PTPRR: variants seen among roughly 807,000 people sequenced by gnomAD.
PTPRR encodes receptor-type tyrosine-protein phosphatase R.
PTPRR carries 38 observed loss-of-function variants against 77.2 expected under a neutral mutation model. The ratio of observed to expected loss-of-function variants is 0.49; its 90% confidence interval spans 0.38 to 0.65. The LOEUF (loss-of-function observed/expected upper bound fraction) is 0.65, where lower values mean the gene tolerates loss of function less well. Among genes scored for constraint, PTPRR ranks in the 30% least tolerant of loss-of-function variants. The probability of loss-of-function intolerance (pLI) is 0.00; values close to 1 mark genes in which losing one functional copy is unlikely to be tolerated. For synonymous variants in PTPRR, 299 were observed against 283.1 expected (o/e 1.06, Z -0.57); for missense variants, 744 against 799.2 (o/e 0.93, Z 0.83).
At chr12:70,813,482 C>T (rs1367590798) in intron 2 of PTPRR, among the ~76,000 whole-genome samples, 2 of 152,152 alleles carry the variant, frequency 1.3e-5, no homozygotes, top group Non-Finnish European at 2.9e-5. Context: ...TTTCTAAATA[C>T]CATGCATATT....
chr12:70,707,685 G>T (rs1888667683), intron 6 of PTPRR, among the ~76,000 whole-genome samples: 1 of 152,030 alleles, frequency 6.6e-6, no homozygotes, highest in Non-Finnish European at 1.5e-5. Context: ...TGAGTTTGGA[G>T]AAGTCAGTGG....
Position 70,892,411 on chromosome 12 carries a change from TC to T in PTPRR, c.357+267del, listed in dbSNP as rs1438251782. Among the ~76,000 whole-genome samples, 3 of 152,122 alleles carry T rather than the reference TC, an allele frequency of 2.0e-5. No individual in the cohort carries two copies. In the East Asian group the frequency reaches 5.8e-4, roughly 29 times the overall value. Reference sequence around the variant, plus strand: ...TAATTGTAAGGCCTTCCTAAAGTAATCTTTTATTCAAATATTTATTAAGCAT... The same window carrying T: ...TAATTGTAAGGCCTTCCTAAAGTAATTTTTATTCAAATATTTATTAAGCAT... On this transcript the variant is annotated intron_variant, in intron 2 of 13. Coordinates refer to ENST00000283228, the MANE Select transcript of PTPRR (RefSeq NM_002849.4).
chr12:70,747,663 T>C (rs1890256691), intron 5 of PTPRR, among the ~76,000 whole-genome samples: 1 of 152,200 alleles, frequency 6.6e-6, no homozygotes, highest in Non-Finnish European at 1.5e-5. Flanking sequence ...TTGTAACATA[T>C]TTTCCAATCA....
At chr12:70,659,494 G>T (rs1273946424) in intron 12 of PTPRR, among the ~76,000 whole-genome samples, 1 of 152,036 alleles carries the variant, frequency 6.6e-6, no homozygotes, top group South Asian at 2.1e-4. Context: ...CTGAGTGACT[G>T]GAAAAAAGAT....
intron 1 of PTPRR, among the ~76,000 whole-genome samples, chr12:70,894,082 T>TAACATATCTCTATGTTATAA (rs1893384107): frequency 6.6e-6 from 1 of 151,826 alleles, no homozygotes; most frequent in Non-Finnish European, 1.5e-5. Flanking sequence ...ATCTGTTTTA[T>TAACATATCTCTATGTTATAA]AACATAGTCC....
intron 2 of PTPRR, among the ~76,000 whole-genome samples, chr12:70,806,361 A>G (rs1282900701): frequency 2.6e-5 from 4 of 152,192 alleles, no homozygotes; most frequent in Admixed American, 1.3e-4. Flanking sequence ...TTAGTAGGTG[A>G]TAAGATACGC....
rs1054044773 is a variant in PTPRR, at chr12:70,889,979, G to A, written c.357+2700C>T. Among the ~76,000 whole-genome samples the A allele has an allele frequency of 4.6e-5, 7 of 152,256 alleles. No homozygotes were observed. The East Asian group carries it at 1.4e-3, about 29-fold the overall frequency. Reference sequence around the variant, plus strand: ...AGGCTAGAACATTCTTCACTCAGCAGCCTATGCTGAACTGAAATGGCCTGT... The same window carrying A: ...AGGCTAGAACATTCTTCACTCAGCAACCTATGCTGAACTGAAATGGCCTGT... On this transcript the variant is annotated intron_variant, in intron 2 of 13. Coordinates refer to ENST00000283228, the MANE Select transcript of PTPRR (RefSeq NM_002849.4).
At chr12:70,740,361 G>T (rs1372949175) in intron 6 of PTPRR, among the ~76,000 whole-genome samples, 2 of 122,476 alleles carry the variant, frequency 1.6e-5, no homozygotes, top group African/African-American at 2.9e-5. Flanking sequence ...AGACTGAATT[G>T]CTATGTTTCT....
intron 2 of PTPRR, among the ~76,000 whole-genome samples, chr12:70,809,643 G>A (rs929984215): frequency 3.3e-5 from 5 of 152,052 alleles, no homozygotes; most frequent in African/African-American, 1.2e-4. Flanking sequence ...CTAAATTTAA[G>A]TTCAGTATAT....
intron 12 of PTPRR, among the ~76,000 whole-genome samples, chr12:70,659,627 A>G (rs1886720943): frequency 6.6e-6 from 1 of 152,122 alleles, no homozygotes; most frequent in African/African-American, 2.4e-5. Flanking sequence ...GCCCTAACGC[A>G]TAGTCAGTTA....
intron 2 of PTPRR, among the ~76,000 whole-genome samples, chr12:70,887,699 G>T (rs945227354): frequency 1.3e-5 from 2 of 152,082 alleles, no homozygotes; most frequent in Non-Finnish European, 2.9e-5. Flanking sequence ...GCAGGAATAG[G>T]CTCACTGTCC....
intron 2 of PTPRR, among the ~76,000 whole-genome samples, chr12:70,850,392 A>T (rs1892553143): frequency 6.6e-6 from 1 of 151,988 alleles, no homozygotes; most frequent in South Asian, 2.1e-4. Context: ...TTTTGTATCT[A>T]TTTCCAGAAA....
chr12:70,849,442 A>G (rs1307143003), intron 2 of PTPRR, among the ~76,000 whole-genome samples: 1 of 152,194 alleles, frequency 6.6e-6, no homozygotes, highest in African/African-American at 2.4e-5. Flanking sequence ...GTTGCCAAAA[A>G]TAAGAGTGGA....
At chr12:70,892,580 C>A in intron 2 of PTPRR, 99 bp downstream of exon 2, 1 of 1,368,406 alleles carries the variant, frequency 7.3e-7, no homozygotes, top group Non-Finnish European at 1.0e-6. Flanking sequence ...CGTTGGGATT[C>A]ATTGATAACT....
intron 1 of PTPRR, among the ~76,000 whole-genome samples, chr12:70,898,503 C>T (rs1441966126): frequency 1.4e-5 from 2 of 147,426 alleles, no homozygotes; most frequent in East Asian, 3.9e-4. Context: ...TTACATATTA[C>T]ATATTCAATA....
At chr12:70,723,325 G>T (rs1383662734) in intron 6 of PTPRR, among the ~76,000 whole-genome samples, 6 of 151,786 alleles carry the variant, frequency 4.0e-5, no homozygotes, top group Non-Finnish European at 8.8e-5. Flanking sequence ...AGTTCCAAGA[G>T]AACTTTTTGA....
chr12:70,648,451 T>C (rs1886279239), intron 13 of PTPRR, among the ~76,000 whole-genome samples: 1 of 152,206 alleles, frequency 6.6e-6, no homozygotes, highest in African/African-American at 2.4e-5. Flanking sequence ...ACTTAAGCTT[T>C]GTTGTGAGTC....
intron 10 of PTPRR, among the ~76,000 whole-genome samples, chr12:70,671,526 T>A (rs1170474218): frequency 6.6e-6 from 1 of 152,170 alleles, no homozygotes; most frequent in African/African-American, 2.4e-5. Flanking sequence ...TTCTGAATTA[T>A]GTGGTCAAAG....
At chr12:70,749,172 C>T (rs564194666) in intron 5 of PTPRR, among the ~76,000 whole-genome samples, 1 of 152,000 alleles carries the variant, frequency 6.6e-6, no homozygotes, top group Admixed American at 6.6e-5. Context: ...ACAACAACAA[C>T]AAACAACAAC....
Sources: allele counts gnomAD v4.1 joint callset (sites outside exome capture counted in the v4.1 genomes callset), GRCh38; gene constraint gnomAD v4.1.1; transcripts MANE v1.5; gene names NCBI Gene and HGNC (gene_info 2026-07-23, HGNC 2026-07-21).